The following GALNT2 variants were observed in gnomAD, a reference collection of about 807,000 sequenced individuals.
GALNT2 encodes the protein UDP-GalNAc:polypeptide N-acetylgalactosaminyltransferase 2.
Under a neutral mutation model 81.4 loss-of-function variants are expected in GALNT2, and 31 were observed. The observed-to-expected ratio is 0.38, with a 90% CI of 0.29 to 0.51. The LOEUF (loss-of-function observed/expected upper bound fraction) is 0.51, where lower values mean the gene tolerates loss of function less well. GALNT2 is among the 20% of genes least tolerant of loss of function. GALNT2 has a pLI of 0.87. For synonymous variants in GALNT2, 303 were observed against 287.4 expected (o/e 1.05, Z -0.55); for missense variants, 629 against 765.7 (o/e 0.82, Z 2.11).
At chr1:230,267,657 C>T (rs76220220) in intron 14 of GALNT2, among the ~76,000 whole-genome samples, 2,513 of 152,302 alleles carry the variant, frequency 0.017, 50 homozygotes, top group African/African-American at 0.055. Flanking sequence ...AGGCCCCACC[C>T]GTGTCAGGAG....
intron 1 of GALNT2, among the ~76,000 whole-genome samples, chr1:230,086,373 T>G (rs2102760179): frequency 6.6e-6 from 1 of 152,218 alleles, no homozygotes; most frequent in East Asian, 1.9e-4. Context: ...CGGCCCTTTA[T>G]CTGGTGAGGT....
Position 230,275,596 on chromosome 1 carries a change from GATAC to G in GALNT2, c.1560+1035_1560+1038del, listed in dbSNP as rs1412331042. On this transcript the variant is annotated intron_variant, in intron 15 of 15. Coordinates refer to ENST00000366672, the MANE Select transcript of GALNT2 (RefSeq NM_004481.5). The surrounding 1 kb of genome is among the most constrained non-coding windows in gnomAD (Gnocchi z 5.5). ...TAAACACACCATATATATACATATA[GATAC>G]ATGCTACATTTATATAAACACCACA... Among the ~76,000 whole-genome samples the G allele has an allele frequency of 2.0e-5, 3 of 148,092 alleles. No homozygotes were observed. Among genetic ancestry groups the G allele is most frequent in the Admixed American group, 6.7e-5 (1 of 14,826 alleles).
intron 6 of GALNT2, among the ~76,000 whole-genome samples, chr1:230,238,637 T>C (rs1665103910): frequency 6.6e-6 from 1 of 152,234 alleles, no homozygotes; most frequent in Non-Finnish European, 1.5e-5. Flanking sequence ...AAGTGGTATT[T>C]CTTTTTTTAA....
At chr1:230,122,479 G>A (rs1213327153) in intron 1 of GALNT2, among the ~76,000 whole-genome samples, 2 of 152,158 alleles carry the variant, frequency 1.3e-5, no homozygotes, top group East Asian at 1.9e-4. Context: ...GTTGGGACAA[G>A]TGTTCCAGGG....
intron 3 of GALNT2, among the ~76,000 whole-genome samples, chr1:230,230,133 TGCTG>T (rs908121157): frequency 6.6e-5 from 10 of 152,242 alleles, no homozygotes; most frequent in African/African-American, 9.6e-5. Context: ...TGATGTCAGT[TGCTG>T]CCAAGAGGCC....
chr1:230,185,269 C>A (rs983300651), intron 2 of GALNT2, among the ~76,000 whole-genome samples: 13 of 125,058 alleles, frequency 1.0e-4, no homozygotes, highest in African/African-American at 4.4e-4. Context: ...ACTGTGCGTG[C>A]GTGCGTGTGT....
chr1:230,279,388 G>T lies in GALNT2; in HGVS notation c.1646G>T (p.Gly549Val). The change falls in exon 16 of 16, where the codon GGC becomes GTC. Residue 549 changes from glycine (G) to valine (V), a missense_variant. Gly to Val is a moderately radical substitution (Grantham distance 109). Coordinates refer to ENST00000366672, the MANE Select transcript of GALNT2 (RefSeq NM_004481.5). The surrounding 1 kb of genome is among the most constrained non-coding windows in gnomAD (Gnocchi z 4.6). ...GACAGTCGCACGGCCAAGAGCGGGG[G>T]CCTAAGCGTGGAGGTGTGTGGCCCG... ...CLDSRTAKSG[G>V]LSVEVCGPAL... The T allele has an allele frequency of 1.2e-6, 2 of 1,614,174 alleles. No individual in the cohort carries two copies. Among genetic ancestry groups the T allele is most frequent in the African/African-American group, 1.3e-5 (1 of 75,046 alleles).
chr1:230,186,824 CAAT>C (rs923372625), intron 2 of GALNT2, among the ~76,000 whole-genome samples: 3 of 152,212 alleles, frequency 2.0e-5, no homozygotes, highest in African/African-American at 7.2e-5. Flanking sequence ...GATAAATGCA[CAAT>C]GTCTTTTTAT....
In GALNT2 at chr1:230,140,158, T is replaced by C. The variant is rs531570738; in HGVS notation, c.127-38060T>C. ...CCCTTTCTTCCCCTTGGGGGTCGGC[T>C]TTTTAATGGCCAGCTCACCTCTGCC... On this transcript the variant is annotated intron_variant, in intron 1 of 15. Transcript: ENST00000366672. 1.4e-4 allele frequency among the ~76,000 whole-genome samples: 21 copies of C among 152,362 alleles called. No homozygotes were observed. The South Asian group carries it at 4.1e-3, about 30-fold the overall frequency.
intron 2 of GALNT2, among the ~76,000 whole-genome samples, 200 bp from the exon 3 acceptor site, chr1:230,202,937 A>G (rs756098586): frequency 1.3e-5 from 2 of 152,216 alleles, no homozygotes; most frequent in Admixed American, 6.5e-5. Flanking sequence ...TGTAAATGGC[A>G]AACCTGCAGT....
intron 10 of GALNT2, among the ~76,000 whole-genome samples, chr1:230,251,915 A>G (rs1236647756): frequency 6.6e-6 from 1 of 151,940 alleles, no homozygotes; most frequent in Non-Finnish European, 1.5e-5. Flanking sequence ...GATTTGTTGT[A>G]AGGAGCTGCT....
At chr1:230,080,421 G>A (rs576621764) in intron 1 of GALNT2, among the ~76,000 whole-genome samples, 1 of 152,322 alleles carries the variant, frequency 6.6e-6, no homozygotes, top group Admixed American at 6.5e-5. Context: ...GCAGTGTGAT[G>A]TCCCAAGCAG....
intron 1 of GALNT2, among the ~76,000 whole-genome samples, chr1:230,109,122 C>T (rs910501): frequency 0.22 from 32,861 of 152,206 alleles, 3,738 homozygotes; most frequent in South Asian, 0.28. Flanking sequence ...GTTGAATTCC[C>T]GCTCCACCAG....
intron 3 of GALNT2, among the ~76,000 whole-genome samples, chr1:230,222,017 T>G (rs924876778): frequency 7.1e-6 from 1 of 141,648 alleles, no homozygotes; most frequent in African/African-American, 2.8e-5. Flanking sequence ...TTATATACAT[T>G]TCACTGCTTT....
At chr1:230,058,004 G>T in exon 1 of GALNT2, 1 of 456,206 alleles carries the variant, frequency 2.2e-6, no homozygotes, top group Non-Finnish European at 4.4e-6. Flanking sequence ...GTACACGAAC[G>T]AAAAGCACTG....
chr1:230,208,524 T>A (rs544081918), intron 3 of GALNT2, among the ~76,000 whole-genome samples: 1 of 152,248 alleles, frequency 6.6e-6, no homozygotes, highest in Admixed American at 6.5e-5. Context: ...GAATGTAAAT[T>A]TGGAAATGTT....
intron 14 of GALNT2, among the ~76,000 whole-genome samples, chr1:230,268,840 A>G (rs1666099239): frequency 6.6e-6 from 1 of 152,164 alleles, no homozygotes; most frequent in African/African-American, 2.4e-5. Flanking sequence ...GAGAGTCTCC[A>G]GGATTCCTCT....
intron 3 of GALNT2, among the ~76,000 whole-genome samples, chr1:230,218,664 C>A (rs1664459517): frequency 6.6e-6 from 1 of 152,288 alleles, no homozygotes; most frequent in South Asian, 2.1e-4. Context: ...AGGAGGCAAG[C>A]CTGGGGAGAA....
chr1:230,059,805 A>T (rs1659001869), intron 1 of GALNT2, among the ~76,000 whole-genome samples: 1 of 151,842 alleles, frequency 6.6e-6, no homozygotes, highest in Non-Finnish European at 1.5e-5. Flanking sequence ...CTCTCTCTAT[A>T]TTTTTCTTGA....
Sources: allele counts gnomAD v4.1 joint callset (sites outside exome capture counted in the v4.1 genomes callset), GRCh38; gene constraint gnomAD v4.1.1; non-coding constraint Gnocchi (gnomAD v3.1); transcripts MANE v1.5; gene names NCBI Gene and HGNC (gene_info 2026-07-23, HGNC 2026-07-21).